CPED1: variants seen among roughly 807,000 people sequenced by gnomAD.
CPED1 encodes the protein cadherin-like and PC-esterase domain-containing protein 1.
Under a neutral mutation model 128.2 loss-of-function variants are expected in CPED1, and 114 were observed. The observed-to-expected ratio is 0.89, with a 90% CI of 0.76 to 1.04. The LOEUF (loss-of-function observed/expected upper bound fraction) is 1.04, where lower values mean the gene tolerates loss of function less well. CPED1 is among the 50% of genes least tolerant of loss of function. The pLI, the probability that CPED1 is intolerant of heterozygous loss-of-function variation, is 0.00. For synonymous variants in CPED1, 462 were observed against 426.7 expected (o/e 1.08, Z -1.02); for missense variants, 1,211 against 1,207.1 (o/e 1.00, Z -0.05).
chr7:121,062,812 A>T (rs1793709896), intron 4 of CPED1: 1 of 152,016 alleles, frequency 6.6e-6, no homozygotes, highest in Non-Finnish European at 1.5e-5. Flanking sequence ...CGTGGTAGTG[A>T]GTAAGTCTCA....
chr7:121,204,294 A>G (rs915686089), intron 16 of CPED1, among the ~76,000 whole-genome samples: 4 of 152,132 alleles, frequency 2.6e-5, no homozygotes, highest in African/African-American at 9.7e-5. Flanking sequence ...TAGTTTTACA[A>G]AGTAGAAGCC....
At chr7:121,175,220 C>A (rs1563054936) in intron 16 of CPED1, among the ~76,000 whole-genome samples, 1 of 151,992 alleles carries the variant, frequency 6.6e-6, no homozygotes, top group Non-Finnish European at 1.5e-5. Context: ...CTTTCTCTTG[C>A]CTGATTGCTC....
chr7:121,059,963 G>T (rs557949357), intron 4 of CPED1, among the ~76,000 whole-genome samples: 27 of 152,226 alleles, frequency 1.8e-4, no homozygotes, highest in Non-Finnish European at 3.2e-4. Context: ...TTGCAGGGAG[G>T]TGTGGAGGGA....
intron 3 of CPED1, among the ~76,000 whole-genome samples, chr7:121,027,198 C>A (rs1488697697): frequency 6.6e-6 from 1 of 151,970 alleles, no homozygotes; most frequent in Non-Finnish European, 1.5e-5. Flanking sequence ...TCTTCTCAAG[C>A]TAGAAATGGT....
chr7:121,082,699 G>T (rs1794323181), intron 5 of CPED1, among the ~76,000 whole-genome samples: 1 of 152,112 alleles, frequency 6.6e-6, no homozygotes, highest in Admixed American at 6.6e-5. Flanking sequence ...AGTAAATGAA[G>T]CCTTCAAGAA....
At chr7:121,232,388 G>C (rs1260700320) in intron 16 of CPED1, among the ~76,000 whole-genome samples, 3 of 152,032 alleles carry the variant, frequency 2.0e-5, no homozygotes, top group African/African-American at 4.8e-5. Context: ...CTTGCATTTT[G>C]GTCCATGCAT....
intron 16 of CPED1, among the ~76,000 whole-genome samples, chr7:121,166,270 C>A (rs1358895191): frequency 6.6e-6 from 1 of 152,142 alleles, no homozygotes; most frequent in Admixed American, 6.5e-5. Flanking sequence ...ACTGAGCAAG[C>A]CACTTAAGTT....
intron 3 of CPED1, among the ~76,000 whole-genome samples, chr7:121,043,710 A>G (rs1459053911): frequency 1.3e-5 from 2 of 152,220 alleles, no homozygotes; most frequent in Admixed American, 1.3e-4. Flanking sequence ...AAGTGGCTCC[A>G]GCCAGTCACT....
chr7:121,072,962 C>T (rs959800557), intron 5 of CPED1, among the ~76,000 whole-genome samples: 2 of 152,018 alleles, frequency 1.3e-5, no homozygotes, highest in Non-Finnish European at 2.9e-5. Flanking sequence ...CCTTGAAAAG[C>T]CTCCATTGTA....
At chr7:121,114,501 T>C (rs1476401788) in intron 7 of CPED1, among the ~76,000 whole-genome samples, 12 of 152,230 alleles carry the variant, frequency 7.9e-5, no homozygotes, top group Admixed American at 7.9e-4. Context: ...TATAACATCA[T>C]CAATATAGGA....
chr7:121,049,758 T>G (rs1269531249), intron 4 of CPED1, among the ~76,000 whole-genome samples: 1 of 152,252 alleles, frequency 6.6e-6, no homozygotes, highest in African/African-American at 2.4e-5. Flanking sequence ...CTGTTTTGTC[T>G]GCCTGGAATG....
chr7:121,136,208 T>C (rs1302399821), intron 14 of CPED1, 118 bp downstream of exon 14: 4 of 987,544 alleles, frequency 4.1e-6, no homozygotes, highest in Admixed American at 3.1e-5. Context: ...ATTGTTAAAG[T>C]AAATTTTAGA....
chr7:121,206,050 G>A (rs1797509902), intron 16 of CPED1, among the ~76,000 whole-genome samples: 1 of 151,958 alleles, frequency 6.6e-6, no homozygotes, highest in African/African-American at 2.4e-5. Flanking sequence ...GTAAGTACAG[G>A]CAACAGTAAC....
intron 5 of CPED1, among the ~76,000 whole-genome samples, chr7:121,067,334 A>G (rs978527719): frequency 5.3e-5 from 8 of 151,736 alleles, no homozygotes; most frequent in Non-Finnish European, 1.2e-4. Flanking sequence ...CTCATTGTTC[A>G]ATTCCCACCT....
At chr7:120,994,625 CTGTGTGTG>C (rs35288728) in intron 2 of CPED1, among the ~76,000 whole-genome samples, 11 of 144,658 alleles carry the variant, frequency 7.6e-5, no homozygotes, top group Admixed American at 2.8e-4. Flanking sequence ...ATTTGTTATA[CTGTGTGTG>C]TGTGTGTGTG....
intron 16 of CPED1, among the ~76,000 whole-genome samples, chr7:121,169,776 G>A (rs570544572): frequency 4.6e-5 from 7 of 152,294 alleles, no homozygotes; most frequent in African/African-American, 1.7e-4. Flanking sequence ...CAGGATAATA[G>A]TGCTGAAATG....
At chr7:121,008,601 T>TTTGGATTAA (rs1554420957) in intron 2 of CPED1, among the ~76,000 whole-genome samples, 2 of 150,810 alleles carry the variant, frequency 1.3e-5, no homozygotes, top group African/African-American at 2.4e-5. Flanking sequence ...GGATTAATCA[T>TTTGGATTAA]TTTGGATTAA....
intron 3 of CPED1, among the ~76,000 whole-genome samples, chr7:121,030,882 C>T (rs1585028228): frequency 6.6e-6 from 1 of 152,144 alleles, no homozygotes; most frequent in Admixed American, 6.5e-5. Context: ...TTGTTCTATG[C>T]ACTTTATATG....
At chr7:121,063,916 T>G (rs1228119009) in intron 4 of CPED1, among the ~76,000 whole-genome samples, 1 of 152,154 alleles carries the variant, frequency 6.6e-6, no homozygotes, top group Admixed American at 6.5e-5. Flanking sequence ...AAATATCAAG[T>G]TATTTATGTT....
Sources: gnomAD v4.1 joint callset for allele counts (sites outside exome capture counted in the v4.1 genomes callset) on GRCh38, gnomAD v4.1.1 for gene constraint, MANE v1.5 for transcripts, NCBI Gene and HGNC (gene_info 2026-07-23, HGNC 2026-07-21) for gene names.